ZFAND2A: variants seen among roughly 807,000 people sequenced by gnomAD.
ZFAND2A encodes the protein zinc finger AN1-type containing 2A.
In ZFAND2A, 20 loss-of-function variants were observed where a neutral mutation model predicts 11.6. The observed-to-expected ratio is 1.72, with a 90% CI of 1.21 to 2.50. The LOEUF is 2.50. Among genes scored for constraint, ZFAND2A ranks in the 30% most tolerant of loss-of-function variants. The pLI is 0.00. For synonymous variants in ZFAND2A, 93 were observed against 60.6 expected, an observed-to-expected ratio of 1.54 and a Z score of -2.48; for missense variants, 234 against 182.9, an observed-to-expected ratio of 1.28 and a Z score of -1.61.
intron 3 of ZFAND2A, 95 bp from the exon 4 acceptor site, chr7:1,155,679 CAA>C (rs1173196025): frequency 1.3e-6 from 2 of 1,494,526 alleles, no homozygotes; most frequent in South Asian, 1.3e-5. Flanking sequence ...CACTTAAACA[CAA>C]AGAGAGGACA....
At position 1,158,215 on chromosome 7, in the gene ZFAND2A, T is replaced by C. The variant is rs1479464811; in HGVS notation, c.-3A>G. 6.2e-7 allele frequency: 1 copy of C among 1,614,116 alleles called. No individual in the cohort carries two copies. Among genetic ancestry groups the C allele is most frequent in the East Asian group, 2.2e-5 (1 of 44,892 alleles). ...TTCCCCAAATCAGGAAACTCCATTA[T>C]GAGAACAGTGCTCAAAACGCAGATG... On this transcript the variant is annotated 5_prime_UTR_variant, in exon 2 of 5. Coordinates refer to ENST00000316495, the MANE Select transcript of ZFAND2A (RefSeq NM_182491.4).
chr7:1,155,114 G>A (rs1793491077), intron 4 of ZFAND2A, among the ~76,000 whole-genome samples: 2 of 152,088 alleles, frequency 1.3e-5, no homozygotes, highest in African/African-American at 2.4e-5. Flanking sequence ...GACAGAGCAA[G>A]ACTGTCTCAA....
downstream of ZFAND2A, chr7:1,152,424 C>T: frequency 6.9e-7 from 1 of 1,441,566 alleles, no homozygotes. Flanking sequence ...AGGTAAGCAA[C>T]TACCACTGGC....
At chr7:1,159,167 A>G (rs1389788368) in intron 1 of ZFAND2A, among the ~76,000 whole-genome samples, 1 of 152,044 alleles carries the variant, frequency 6.6e-6, no homozygotes, top group Non-Finnish European at 1.5e-5. Flanking sequence ...ACAGCTTCCA[A>G]CTACAGATCC....
chr7:1,157,141 G>A (rs1793546546), intron 3 of ZFAND2A: 1 of 152,278 alleles, frequency 6.6e-6, no homozygotes, highest in African/African-American at 2.4e-5. Flanking sequence ...TCTGGACTCG[G>A]GGCAAGCTCA....
In ZFAND2A at chr7:1,159,372, T is replaced by A. The variant is rs566882977; in HGVS notation, c.-46+592A>T. Among the ~76,000 whole-genome samples the A allele has an allele frequency of 1.7e-4, 26 of 152,300 alleles. No individual in the cohort carries two copies. In the South Asian group the frequency reaches 5.4e-3, roughly 32 times the overall value. On this transcript the variant is annotated intron_variant, in intron 1 of 4. Coordinates refer to ENST00000316495, the MANE Select transcript of ZFAND2A (RefSeq NM_182491.4). Reference sequence around the variant, plus strand: ...AAGAAAACACACATCTACGTGGCTGTCACTCGGCTGGCGGGTTAACGACCC... The same window carrying A: ...AAGAAAACACACATCTACGTGGCTGACACTCGGCTGGCGGGTTAACGACCC...
downstream of ZFAND2A, among the ~76,000 whole-genome samples, chr7:1,150,839 T>C (rs1322019981): frequency 6.6e-6 from 1 of 151,760 alleles, no homozygotes; most frequent in Non-Finnish European, 1.5e-5. Flanking sequence ...CTGAAATAGA[T>C]CCAGGTGCAA....
At chr7:1,159,405 C>T (rs939593702) in intron 1 of ZFAND2A, among the ~76,000 whole-genome samples, 1 of 152,192 alleles carries the variant, frequency 6.6e-6, no homozygotes, top group African/African-American at 2.4e-5. Flanking sequence ...CCCCGTGCGA[C>T]CCGGTACTAC....
Position 1,153,104 on chromosome 7 carries a change from T to G in ZFAND2A, c.403A>C (p.Arg135=). 6.2e-7 allele frequency: 1 copy of G among 1,614,194 alleles called. No individual in the cohort carries two copies. The highest frequency in any genetic ancestry group is 8.5e-7 in the Non-Finnish European group (1 of 1,180,032). The change falls in exon 5 of 5, where the codon AGA becomes CGA. Residue 135 remains arginine (R), a synonymous_variant. Transcript: ENST00000316495. The stretch of plus-strand genomic sequence containing the variant: ...TTGATGGTGGGGCGACTCCCGTGTC[T>G]GCAGCTGTGGTCCAAAGGGTGTCTG... The part of the protein sequence containing the change: ...QHRHPLDHSC[R]HGSRPTIKAG
chr7:1,157,731 A>C lies in ZFAND2A; in HGVS notation c.75T>G (p.Cys25Trp). 6.4e-7 allele frequency: 1 copy of C among 1,556,916 alleles called. No homozygotes were observed. The highest frequency in any genetic ancestry group is 8.7e-7 in the Non-Finnish European group (1 of 1,155,508). ...CKQLDFLPVK[C>W]DACKQDFCKD... ...TACAGAAATCTTGTTTACATGCATCACATTTTACTGGAAGAAAATCTAAAA... is the reference window on the plus strand; with the variant it reads ...TACAGAAATCTTGTTTACATGCATCCCATTTTACTGGAAGAAAATCTAAAA... Residue 25 changes from cysteine to tryptophan, a missense_variant, in exon 3 of 5, where the codon TGT becomes TGG. Cys to Trp is a radical substitution (Grantham distance 215). Transcript: ENST00000316495.
At chr7:1,155,978 T>C (rs1793516567) in intron 3 of ZFAND2A, among the ~76,000 whole-genome samples, 1 of 152,214 alleles carries the variant, frequency 6.6e-6, no homozygotes, top group Non-Finnish European at 1.5e-5. Context: ...CTTTGCGGTT[T>C]CCCCAGTGGC....
At chr7:1,154,484 C>A (rs749308254) in intron 4 of ZFAND2A, among the ~76,000 whole-genome samples, 2 of 152,130 alleles carry the variant, frequency 1.3e-5, no homozygotes, top group Non-Finnish European at 2.9e-5. Context: ...GAGCCCCCAG[C>A]AAGGGAAGCT....
downstream of ZFAND2A, among the ~76,000 whole-genome samples, chr7:1,150,887 C>T (rs76868522): frequency 1.2e-4 from 16 of 128,096 alleles, no homozygotes; most frequent in East Asian, 5.8e-4. Flanking sequence ...ACAACTGTGC[C>T]TTTTTTTTTT....
chr7:1,155,585 C>G lies in ZFAND2A; in HGVS notation c.151-1G>C. On this transcript the variant is annotated splice_acceptor_variant, in intron 3 of 4. Transcript: ENST00000316495. LOFTEE classifies it high-confidence loss of function. Reference sequence around the variant, plus strand: ...GTGGGCATACTGGGACGTGAACATCCTAAAAATAACAAAGGTAAGATGGCA... The same window carrying G: ...GTGGGCATACTGGGACGTGAACATCGTAAAAATAACAAAGGTAAGATGGCA... The G allele has an allele frequency of 6.2e-7, 1 of 1,610,052 alleles. No individual in the cohort carries two copies.
At position 1,153,127 on chromosome 7, in the gene ZFAND2A, C is replaced by CT. The variant is rs1232421609; in HGVS notation, c.379dup (p.Arg127LysfsTer33). On this transcript the variant is annotated frameshift_variant, in exon 5 of 5. Transcript: ENST00000316495. LOFTEE classifies it low-confidence loss of function (END_TRUNC). The stretch of plus-strand genomic sequence containing the variant: ...TCTGCAGCTGTGGTCCAAAGGGTGT[C>CT]TGTGCTGGATACAGAAGTTGCCGTG... 6 of 1,614,098 alleles carry CT rather than the reference C, an allele frequency of 3.7e-6. No individual in the cohort carries two copies. Among genetic ancestry groups the CT allele is most frequent in the Middle Eastern group, 1.6e-4 (1 of 6,084 alleles).
chr7:1,151,762 T>TAAAAAAAAAAAA (rs530920394), downstream of ZFAND2A, among the ~76,000 whole-genome samples: 89 of 87,124 alleles, frequency 1.0e-3, 5 homozygotes, highest in Non-Finnish European at 1.5e-3. Flanking sequence ...TCATCCCTTT[T>TAAAAAAAAAAAA]AAAAAAAAAA....
chr7:1,157,325 GCTATGGTGTAACA>G (rs1562346957), intron 3 of ZFAND2A: 19 of 191,068 alleles, frequency 9.9e-5, no homozygotes, highest in Non-Finnish European at 1.8e-4. Context: ...TGGTGTAACA[GCTATGGTGTAACA>G]GATCAAAGGA....
chr7:1,154,626 G>C (rs553824322), intron 4 of ZFAND2A, among the ~76,000 whole-genome samples: 9 of 152,350 alleles, frequency 5.9e-5, no homozygotes, highest in African/African-American at 2.2e-4. Context: ...GTGGGGACCA[G>C]AGCAAGCTTC....
intron 3 of ZFAND2A, 121 bp from the exon 4 acceptor site, chr7:1,155,705 C>T (rs1353713351): frequency 3.6e-5 from 46 of 1,284,482 alleles, no homozygotes; most frequent in East Asian, 1.1e-4. Context: ...ACCGGTCTCC[C>T]GAGCCCTCCG....
Sources: allele counts gnomAD v4.1 joint callset (sites outside exome capture counted in the v4.1 genomes callset), GRCh38; gene constraint gnomAD v4.1.1; transcripts MANE v1.5; gene names NCBI Gene and HGNC (gene_info 2026-07-23, HGNC 2026-07-21).